The following DRC8 variants were observed in gnomAD, a reference collection of about 807,000 sequenced individuals.
DRC8 encodes the protein dynein regulatory complex protein 8.
At chr1:245,033,111 C>T in the DRC8 span, among the ~76,000 whole-genome samples, 1 of 152,240 alleles carries the variant, frequency 6.6e-6, no homozygotes, top group Admixed American at 6.5e-5. Context: ...CACAGCACGG[C>T]TAGTCCGGTA....
At chr1:245,012,662 C>T in the DRC8 span, among the ~76,000 whole-genome samples, 14 of 151,950 alleles carry the variant, frequency 9.2e-5, no homozygotes, top group Middle Eastern at 3.4e-3. Context: ...ACTTACATGA[C>T]GAACCTCAAA....
chr1:244,970,838 C>G, the DRC8 span: 380 of 304,804 alleles, frequency 1.2e-3, 1 homozygote, highest in African/African-American at 7.5e-3. Context: ...GCCGGAGGCG[C>G]CGGCAGGGGG....
the DRC8 span, chr1:245,122,101 G>A: frequency 4.4e-6 from 1 of 227,280 alleles, no homozygotes; most frequent in South Asian, 3.8e-5. Context: ...GTTTCACCAT[G>A]GTCTGGTGAC....
At chr1:245,006,385 T>C in the DRC8 span, among the ~76,000 whole-genome samples, 1 of 152,052 alleles carries the variant, frequency 6.6e-6, no homozygotes, top group Non-Finnish European at 1.5e-5. Context: ...GATCTCCACT[T>C]ACTGCAACCT....
chr1:245,050,240 T>C, the DRC8 span, among the ~76,000 whole-genome samples: 26 of 152,336 alleles, frequency 1.7e-4, no homozygotes, highest in African/African-American at 5.8e-4. Flanking sequence ...TTTTCTTTTT[T>C]CTTTTCCCTT....
the DRC8 span, among the ~76,000 whole-genome samples, chr1:244,973,515 T>G: frequency 6.6e-6 from 1 of 152,216 alleles, no homozygotes; most frequent in Non-Finnish European, 1.5e-5. Flanking sequence ...CATTCCTAGC[T>G]ATTTTCCCCA....
chr1:245,006,816 C>A, the DRC8 span, among the ~76,000 whole-genome samples: 1 of 152,032 alleles, frequency 6.6e-6, no homozygotes, highest in Non-Finnish European at 1.5e-5. Context: ...GGCCTGCAGT[C>A]CTAGCTACTT....
the DRC8 span, chr1:245,083,641 G>A: frequency 3.9e-5 from 63 of 1,609,794 alleles, no homozygotes; most frequent in East Asian, 4.5e-5. Flanking sequence ...TCAGCTAAAC[G>A]TGGGTTTCTT....
the DRC8 span, chr1:245,086,641 C>T: frequency 2.1e-6 from 1 of 483,832 alleles, no homozygotes; most frequent in Non-Finnish European, 4.3e-6. Context: ...TTTAAACAAA[C>T]ACTTGCATGT....
the DRC8 span, among the ~76,000 whole-genome samples, chr1:245,051,697 C>G: frequency 6.6e-6 from 1 of 152,040 alleles, no homozygotes; most frequent in African/African-American, 2.4e-5. Context: ...AGTGGCGAAG[C>G]ACCTATCAAG....
the DRC8 span, among the ~76,000 whole-genome samples, chr1:245,039,507 AC>A: frequency 6.7e-6 from 1 of 150,350 alleles, no homozygotes; most frequent in Non-Finnish European, 1.5e-5. Context: ...TGTATCCTTC[AC>A]CCCATTCACA....
At chr1:245,003,903 G>A in the DRC8 span, among the ~76,000 whole-genome samples, 1 of 152,004 alleles carries the variant, frequency 6.6e-6, no homozygotes, top group Admixed American at 6.6e-5. Flanking sequence ...CGCCTGTTTT[G>A]TTTTGTTTTT....
the DRC8 span, among the ~76,000 whole-genome samples, chr1:245,068,496 C>T: frequency 6.6e-6 from 1 of 152,016 alleles, no homozygotes; most frequent in African/African-American, 2.4e-5. Context: ...GGCTGGAGTA[C>T]TATGGCAAGA....
At chr1:244,972,659 A>G in the DRC8 span, among the ~76,000 whole-genome samples, 1 of 152,148 alleles carries the variant, frequency 6.6e-6, no homozygotes, top group Non-Finnish European at 1.5e-5. Flanking sequence ...CTCTACTAAA[A>G]ATACAAAAAT....
At chr1:244,978,491 C>CAA in the DRC8 span, among the ~76,000 whole-genome samples, 267 of 129,778 alleles carry the variant, frequency 2.1e-3, 1 homozygote, top group East Asian at 4.7e-3. Context: ...AACTCCGTCT[C>CAA]AAAAAAAAAA....
the DRC8 span, among the ~76,000 whole-genome samples, chr1:245,023,684 C>CTT: frequency 6.6e-6 from 1 of 152,094 alleles, no homozygotes; most frequent in Non-Finnish European, 1.5e-5. Flanking sequence ...TTTTCATGTA[C>CTT]TTATTGGCCA....
the DRC8 span, among the ~76,000 whole-genome samples, chr1:245,001,434 C>T: frequency 2.0e-5 from 3 of 152,174 alleles, no homozygotes; most frequent in Non-Finnish European, 4.4e-5. Context: ...AATTCCTGGC[C>T]ATACCCCAGA....
chr1:245,003,821 C>T, the DRC8 span, among the ~76,000 whole-genome samples: 1 of 152,028 alleles, frequency 6.6e-6, no homozygotes, highest in South Asian at 2.1e-4. Flanking sequence ...CCAGGCTAGT[C>T]TTGAACTCCT....
At chr1:245,047,776 A>C in the DRC8 span, among the ~76,000 whole-genome samples, 4 of 152,276 alleles carry the variant, frequency 2.6e-5, no homozygotes, top group African/African-American at 9.6e-5. Context: ...GTTTGAGACT[A>C]GCTTGGCCAA....
Sources: allele counts gnomAD v4.1 joint callset (sites outside exome capture counted in the v4.1 genomes callset), GRCh38; gene constraint gnomAD v4.1.1; transcripts MANE v1.5; gene names NCBI Gene and HGNC (gene_info 2026-07-23, HGNC 2026-07-21).